The following TTLL11 variants were observed in gnomAD, a reference collection of about 807,000 sequenced individuals.
TTLL11 encodes tubulin tyrosine ligase like 11.
Under a neutral mutation model 51.7 loss-of-function variants are expected in TTLL11, and 42 were observed. The ratio of observed to expected loss-of-function variants is 0.81; its 90% CI spans 0.64 to 1.05. The LOEUF (loss-of-function observed/expected upper bound fraction) is 1.05. TTLL11 is among the 50% of genes least tolerant of loss of function. TTLL11 has a pLI of 0.00. For synonymous variants in TTLL11, 381 were observed against 383.5 expected (o/e 0.99, Z 0.08); for missense variants, 799 against 940.4 (o/e 0.85, Z 1.97).
chr9:121,986,066 C>A (rs931141184), intron 4 of TTLL11, among the ~76,000 whole-genome samples: 8 of 152,142 alleles, frequency 5.3e-5, no homozygotes, highest in African/African-American at 1.7e-4. Flanking sequence ...CTGGCGTCTC[C>A]CCCCATGCTC....
intron 8 of TTLL11, among the ~76,000 whole-genome samples, chr9:121,839,844 C>T (rs1489827576): frequency 2.6e-5 from 4 of 152,190 alleles, no homozygotes; most frequent in African/African-American, 9.7e-5. Context: ...ACCAAGTGGA[C>T]TGAGCCCTAT....
At chr9:122,032,308 T>C (rs533686714) in intron 2 of TTLL11, among the ~76,000 whole-genome samples, 8 of 152,292 alleles carry the variant, frequency 5.3e-5, no homozygotes, top group African/African-American at 1.7e-4. Context: ...CTTAATTAAG[T>C]TTACTTCTTT....
intron 6 of TTLL11, among the ~76,000 whole-genome samples, chr9:121,965,138 T>C (rs1006798531): frequency 1.8e-4 from 28 of 152,362 alleles, no homozygotes; most frequent in Middle Eastern, 6.8e-3. Context: ...TTTTTATTTA[T>C]GTAAAATCTT....
At chr9:121,977,410 CTA>C (rs1319665245) in intron 4 of TTLL11, among the ~76,000 whole-genome samples, 1 of 152,160 alleles carries the variant, frequency 6.6e-6, no homozygotes, top group East Asian at 1.9e-4. Flanking sequence ...ATACCTAGGC[CTA>C]TGCTCATCAT....
At chr9:121,993,947 CAA>C (rs1475800120) in intron 3 of TTLL11, among the ~76,000 whole-genome samples, 1 of 152,142 alleles carries the variant, frequency 6.6e-6, no homozygotes, top group African/African-American at 2.4e-5. Context: ...AGATCTCAGG[CAA>C]AAACAAGCCT....
intron 2 of TTLL11, among the ~76,000 whole-genome samples, chr9:122,037,679 A>G (rs944505680): frequency 5.9e-5 from 9 of 152,298 alleles, no homozygotes; most frequent in East Asian, 1.9e-4. Context: ...ATATCCACCA[A>G]TGTGGATCTT....
chr9:121,870,893 C>A, intron 6 of TTLL11, 145 bp from the exon 7 acceptor site: 1 of 914,888 alleles, frequency 1.1e-6, no homozygotes, highest in Non-Finnish European at 1.6e-6. Context: ...GTGACCTGCC[C>A]AAGCTCACAC....
intron 6 of TTLL11, among the ~76,000 whole-genome samples, chr9:121,899,365 GTATATATATATACA>G (rs1203694854): frequency 1.8e-5 from 2 of 113,242 alleles, no homozygotes; most frequent in Admixed American, 1.0e-4. Flanking sequence ...ATGTGTGTGT[GTATATATATATACA>G]TATATATATA....
intron 3 of TTLL11, among the ~76,000 whole-genome samples, chr9:122,001,431 A>G (rs1843463759): frequency 6.6e-6 from 1 of 150,464 alleles, no homozygotes; most frequent in African/African-American, 2.4e-5. Context: ...AATGTTACAA[A>G]TAAGGATCTG....
chr9:122,080,876 A>G (rs542233216), intron 1 of TTLL11, among the ~76,000 whole-genome samples: 2 of 152,188 alleles, frequency 1.3e-5, no homozygotes, highest in African/African-American at 2.4e-5. Context: ...GTTGTATAGC[A>G]AGGAAAAATG....
chr9:122,034,455 C>T (rs1260805932), intron 2 of TTLL11, among the ~76,000 whole-genome samples: 1 of 152,240 alleles, frequency 6.6e-6, no homozygotes, highest in Admixed American at 6.5e-5. Flanking sequence ...GGAAGCCAGG[C>T]ACTTCCTGCC....
rs1836622478 is a variant in TTLL11, at chr9:121,822,726, C to T, written c.1994G>A (p.Gly665Asp). Residue 665 changes from glycine to aspartate, a missense_variant, in exon 9 of 9, where the codon GGC becomes GAC. Around this residue, in one of 3 missense-constraint regions of TTLL11, gnomAD observed 165 missense variants for 166.1 expected, o/e 0.99. Coordinates refer to ENST00000321582, the MANE Select transcript of TTLL11 (RefSeq NM_001139442.2). The surrounding 1 kb of genome is among the most constrained non-coding windows in gnomAD (Gnocchi z 5.8). ...LDEKRLVCGR[G>D]VPSGGRPPHR... ...TGGGGGCCGGCCCCCCGACGGGACG[C>T]CCCGGCCACACACCAGGCGTTTTTC... The T allele has an allele frequency of 6.4e-7, 1 of 1,551,216 alleles. No individual in the cohort carries two copies. Among genetic ancestry groups the T allele is most frequent in the Admixed American group, 2.0e-5 (1 of 50,998 alleles).
At chr9:121,943,862 A>C (rs1026255939) in intron 6 of TTLL11, among the ~76,000 whole-genome samples, 1 of 152,198 alleles carries the variant, frequency 6.6e-6, no homozygotes, top group African/African-American at 2.4e-5. Flanking sequence ...CCCCCTGTGC[A>C]CCCCACACAG....
chr9:121,826,349 A>G (rs1836771696), intron 8 of TTLL11, among the ~76,000 whole-genome samples: 1 of 129,560 alleles, frequency 7.7e-6, no homozygotes, highest in African/African-American at 3.2e-5. Context: ...TATGGGTTAT[A>G]TATATGGTAA....
chr9:122,000,446 TG>T (rs1843425906), intron 3 of TTLL11, among the ~76,000 whole-genome samples: 1 of 116,042 alleles, frequency 8.6e-6, no homozygotes, highest in Non-Finnish European at 1.6e-5. Context: ...CACTCCAGCC[TG>T]GGTGACAGAG....
intron 6 of TTLL11, among the ~76,000 whole-genome samples, chr9:121,902,859 A>T (rs1417533250): frequency 1.3e-5 from 2 of 152,080 alleles, no homozygotes; most frequent in African/African-American, 4.8e-5. Context: ...GAAACTCTAG[A>T]GCCTTTTCTG....
intron 3 of TTLL11, among the ~76,000 whole-genome samples, chr9:121,999,368 A>C (rs909719524): frequency 1.3e-5 from 2 of 152,062 alleles, no homozygotes; most frequent in African/African-American, 4.8e-5. Context: ...TCCAAAACTA[A>C]GCTCATTGTC....
At chr9:122,001,222 A>C (rs1310543099) in intron 3 of TTLL11, among the ~76,000 whole-genome samples, 1 of 152,016 alleles carries the variant, frequency 6.6e-6, no homozygotes, top group African/African-American at 2.4e-5. Context: ...CAGGCTCCCG[A>C]GTAGCTGGGA....
At chr9:121,958,414 A>G (rs1245328802) in intron 6 of TTLL11, among the ~76,000 whole-genome samples, 1 of 152,196 alleles carries the variant, frequency 6.6e-6, no homozygotes, top group Non-Finnish European at 1.5e-5. Flanking sequence ...ACCTTCAAGT[A>G]AAAATGGAAA....
Sources: allele counts gnomAD v4.1 joint callset (sites outside exome capture counted in the v4.1 genomes callset), GRCh38; gene constraint gnomAD v4.1.1; regional missense constraint gnomAD v4.1.1; non-coding constraint Gnocchi (gnomAD v3.1); transcripts MANE v1.5; gene names NCBI Gene and HGNC (gene_info 2026-07-23, HGNC 2026-07-21).